The following MAML2 variants were observed in gnomAD, a reference collection of about 807,000 sequenced individuals.
The protein encoded by MAML2 is mastermind-like protein 2.
MAML2 carries 22 observed loss-of-function variants against 96.1 expected under a neutral mutation model. The ratio of observed to expected loss-of-function variants is 0.23; its 90% confidence interval spans 0.16 to 0.33. The LOEUF (loss-of-function observed/expected upper bound fraction) is 0.33, where lower values mean the gene tolerates loss of function less well. Among genes scored for constraint, MAML2 ranks in the 10% least tolerant of loss-of-function variants. The pLI is 1.00. For synonymous variants in MAML2, 561 were observed against 521.3 expected, an observed-to-expected ratio of 1.08 and a Z score of -1.04; for missense variants, 1,367 against 1,392.4, an observed-to-expected ratio of 0.98 and a Z score of 0.29.
At chr11:96,226,114 G>T (rs367995221) in intron 1 of MAML2, among the ~76,000 whole-genome samples, 20 of 152,138 alleles carry the variant, frequency 1.3e-4, no homozygotes, top group African/African-American at 4.6e-4. Context: ...GTTTTTAAAG[G>T]CTCAATATCC....
chr11:96,285,992 A>G (rs956882029), intron 1 of MAML2, among the ~76,000 whole-genome samples: 1 of 152,246 alleles, frequency 6.6e-6, no homozygotes, highest in Non-Finnish European at 1.5e-5. Context: ...CCAAAGGAAT[A>G]TAGATCATTC....
intron 1 of MAML2, among the ~76,000 whole-genome samples, chr11:96,118,082 T>C (rs1283546054): frequency 6.6e-6 from 1 of 152,204 alleles, no homozygotes; most frequent in East Asian, 1.9e-4. Flanking sequence ...ATATTTGATT[T>C]CAGTGTTCAG....
At chr11:96,332,504 C>T (rs961961539) in intron 1 of MAML2, among the ~76,000 whole-genome samples, 8 of 152,192 alleles carry the variant, frequency 5.3e-5, no homozygotes, top group Non-Finnish European at 8.8e-5. Flanking sequence ...TGCAATGGCT[C>T]TAGGACTTGG....
chr11:95,979,643 CA>C lies in MAML2; in HGVS notation c.2775del (p.Phe925LeufsTer12). On this transcript the variant is annotated frameshift_variant, in exon 5 of 5. Transcript: ENST00000524717. LOFTEE classifies it low-confidence loss of function (END_TRUNC). The stretch of plus-strand genomic sequence containing the variant: ...TGTGAATTACCAACAGATCCAGCTC[CA>C]AAAGTGGCTACATTGTTATTATTAC... ...GPSNNNNVAT[F>X]GAGSVGNSQQ... 6.2e-7 allele frequency: 1 copy of C among 1,613,934 alleles called. No individual in the cohort carries two copies. The highest frequency in any genetic ancestry group is 8.5e-7 in the Non-Finnish European group (1 of 1,179,878).
At chr11:96,029,137 T>C (rs1402734734) in intron 2 of MAML2, among the ~76,000 whole-genome samples, 1 of 150,820 alleles carries the variant, frequency 6.6e-6, no homozygotes, top group Non-Finnish European at 1.5e-5. Context: ...ATTTGCAACA[T>C]CTGCTAGGGA....
At chr11:95,991,446 T>C in intron 3 of MAML2, 74 bp downstream of exon 3, 1 of 1,388,154 alleles carries the variant, frequency 7.2e-7, no homozygotes, top group Non-Finnish European at 1.0e-6. Context: ...GCACAGTAAA[T>C]ATAAATGGAA....
At chr11:96,295,944 A>G (rs1863291619) in intron 1 of MAML2, among the ~76,000 whole-genome samples, 1 of 134,116 alleles carries the variant, frequency 7.5e-6, no homozygotes, top group Non-Finnish European at 1.6e-5. Context: ...GTAAACACAC[A>G]CACACACACA....
rs12419480 is a variant in MAML2, at chr11:95,978,168, G to A, written c.*780C>T. The A allele has an allele frequency of 4.7e-6, 1 of 212,260 alleles. No individual in the cohort carries two copies. The highest frequency in any genetic ancestry group is 1.9e-4 in the South Asian group (1 of 5,346). 13.1% of individuals were successfully genotyped at this position (212,260 alleles called of 1,614,324 possible). A position where few individuals can be genotyped will look rare whatever the true frequency, so the allele number is the denominator to read the frequency against. On this transcript the variant is annotated 3_prime_UTR_variant, in exon 5 of 5. Coordinates refer to ENST00000524717, the MANE Select transcript of MAML2 (RefSeq NM_032427.4). ...TTAAAAAAGTGAAATCTAATGCAGA[G>A]AGGTGTGCACCAATATTTCAGTATG... is the stretch of plus-strand genomic sequence containing the variant.
At chr11:96,062,664 G>A (rs1859182837) in intron 2 of MAML2, among the ~76,000 whole-genome samples, 1 of 152,172 alleles carries the variant, frequency 6.6e-6, no homozygotes, top group African/African-American at 2.4e-5. Context: ...GGATATCCAG[G>A]AGGCAGCGCC....
chr11:96,030,681 G>C (rs924552226), intron 2 of MAML2, among the ~76,000 whole-genome samples: 10 of 152,176 alleles, frequency 6.6e-5, no homozygotes, highest in African/African-American at 2.4e-4. Context: ...TTTACTGAGT[G>C]TTCTATAGTG....
intron 1 of MAML2, among the ~76,000 whole-genome samples, chr11:96,130,194 A>G (rs968348829): frequency 6.6e-6 from 1 of 152,202 alleles, no homozygotes; most frequent in African/African-American, 2.4e-5. Context: ...GGACTCCAAA[A>G]AGGCTGTCAG....
intron 1 of MAML2, among the ~76,000 whole-genome samples, chr11:96,291,960 G>A (rs895317775): frequency 2.6e-5 from 4 of 152,172 alleles, no homozygotes; most frequent in Non-Finnish European, 5.9e-5. Context: ...TATGCAGCAT[G>A]TGAGTCTCCA....
chr11:96,268,975 G>A lies in MAML2; in HGVS notation c.513+72408C>T, dbSNP rs532553471. ...ACATCAAGCAAACACTAAATTGCTCGAATAAATGCATATTTGGATTAGAAT... is the reference window on the plus strand; with the variant it reads ...ACATCAAGCAAACACTAAATTGCTCAAATAAATGCATATTTGGATTAGAAT... On this transcript the variant is annotated intron_variant, in intron 1 of 4. Transcript: ENST00000524717. Among the ~76,000 whole-genome samples, 6 of 144,798 alleles carry A rather than the reference G, an allele frequency of 4.1e-5. 2 individuals carry two copies. Among genetic ancestry groups the A allele is most frequent in the East Asian group, 4.0e-4 (2 of 4,980 alleles). The allele number at this position is 144,798 out of a possible 152,430, so 95.0% of individuals were successfully genotyped here. A position where few individuals can be genotyped will look rare whatever the true frequency, so the allele number is the denominator to read the frequency against.
At chr11:96,173,729 G>C (rs1861339091) in intron 1 of MAML2, among the ~76,000 whole-genome samples, 1 of 152,220 alleles carries the variant, frequency 6.6e-6, no homozygotes, top group African/African-American at 2.4e-5. Context: ...GAGAAGGTAA[G>C]GACAGGGACT....
intron 2 of MAML2, among the ~76,000 whole-genome samples, chr11:96,038,009 A>G (rs1271590711): frequency 3.3e-5 from 5 of 152,212 alleles, no homozygotes. Flanking sequence ...TTCTTGTGCC[A>G]TAATTAGAAT....
intron 2 of MAML2, among the ~76,000 whole-genome samples, chr11:96,080,079 C>T (rs1186883723): frequency 6.6e-6 from 1 of 152,212 alleles, no homozygotes; most frequent in Non-Finnish European, 1.5e-5. Context: ...TTACAGTGTA[C>T]TGCTTATCTC....
intron 1 of MAML2, among the ~76,000 whole-genome samples, chr11:96,207,754 C>A (rs373201454): frequency 2.0e-4 from 31 of 152,350 alleles, no homozygotes; most frequent in East Asian, 1.3e-3. Context: ...ATCACACCAA[C>A]TAATCCAAGG....
chr11:96,143,602 C>T (rs1860768506), intron 1 of MAML2, among the ~76,000 whole-genome samples: 1 of 152,142 alleles, frequency 6.6e-6, no homozygotes, highest in Non-Finnish European at 1.5e-5. Context: ...AACTTTCCTT[C>T]CCTGTTCTAA....
At chr11:96,222,944 G>A (rs1862160758) in intron 1 of MAML2, among the ~76,000 whole-genome samples, 3 of 151,908 alleles carry the variant, frequency 2.0e-5, no homozygotes, top group African/African-American at 7.3e-5. Flanking sequence ...TTTGAATTTT[G>A]CCTTTTTTCC....
Sources: gnomAD v4.1 joint callset for allele counts (sites outside exome capture counted in the v4.1 genomes callset) on GRCh38, gnomAD v4.1.1 for gene constraint, MANE v1.5 for transcripts, NCBI Gene and HGNC (gene_info 2026-07-23, HGNC 2026-07-21) for gene names.